Variants in CCSER1 observed in about 807,000 individuals in gnomAD.
The protein encoded by CCSER1 is serine-rich coiled-coil domain-containing protein 1.
A neutral mutation model predicts 82.0 loss-of-function variants in CCSER1; 41 were observed. The ratio of observed to expected loss-of-function variants is 0.50; its 90% CI spans 0.39 to 0.65. The LOEUF (loss-of-function observed/expected upper bound fraction) is 0.65, where lower values mean the gene tolerates loss of function less well. Ranked by LOEUF, CCSER1 falls within the 30% of genes least tolerant of loss-of-function variation. The probability of loss-of-function intolerance (pLI) is 0.00; values close to 1 mark genes in which losing one functional copy is unlikely to be tolerated. For synonymous variants in CCSER1, 414 were observed against 383.9 expected (o/e 1.08, Z -0.92); for missense variants, 1,119 against 1,064.2 (o/e 1.05, Z -0.72).
chr4:90,489,320 T>C (rs1295199710), intron 5 of CCSER1, among the ~76,000 whole-genome samples: 2 of 152,086 alleles, frequency 1.3e-5, no homozygotes, highest in African/African-American at 2.4e-5. Flanking sequence ...ATCTTATAAG[T>C]GAAAATCCTC....
chr4:91,244,875 G>A (rs1449418460), intron 10 of CCSER1, among the ~76,000 whole-genome samples: 1 of 151,994 alleles, frequency 6.6e-6, no homozygotes, highest in Non-Finnish European at 1.5e-5. Flanking sequence ...GGAAACTCAA[G>A]GAAATTCAAG....
chr4:91,588,270 AT>A (rs200994938), intron 10 of CCSER1, among the ~76,000 whole-genome samples: 2 of 150,682 alleles, frequency 1.3e-5, no homozygotes, highest in Non-Finnish European at 3.0e-5. Flanking sequence ...ATAGCCTTAG[AT>A]TTTTTTTTCA....
At chr4:90,850,591 T>C (rs1004281721) in intron 8 of CCSER1, among the ~76,000 whole-genome samples, 3 of 152,230 alleles carry the variant, frequency 2.0e-5, no homozygotes, top group Non-Finnish European at 4.4e-5. Flanking sequence ...CTATTAGATT[T>C]TGGACTTGCA....
At chr4:90,479,825 C>T (rs994210620) in intron 5 of CCSER1, among the ~76,000 whole-genome samples, 202 of 152,158 alleles carry the variant, frequency 1.3e-3, no homozygotes, top group African/African-American at 4.6e-3. Flanking sequence ...TGAATAGTGC[C>T]GCAATAAACA....
At chr4:90,887,063 G>A (rs934962755) in intron 8 of CCSER1, among the ~76,000 whole-genome samples, 1 of 152,110 alleles carries the variant, frequency 6.6e-6, no homozygotes, top group African/African-American at 2.4e-5. Flanking sequence ...TAATGATGAA[G>A]TATATAAAAC....
At chr4:91,594,684 G>A (rs890778440) in intron 10 of CCSER1, among the ~76,000 whole-genome samples, 2 of 151,880 alleles carry the variant, frequency 1.3e-5, no homozygotes, top group African/African-American at 4.8e-5. Context: ...GATTGTTAGA[G>A]TTTCTTCAAG....
intron 10 of CCSER1, among the ~76,000 whole-genome samples, chr4:91,542,984 C>G (rs1761686068): frequency 6.6e-6 from 1 of 152,090 alleles, no homozygotes; most frequent in South Asian, 2.1e-4. Context: ...TCTGGGTGCT[C>G]CTGTATTGGA....
chr4:91,546,518 T>G (rs771738470), intron 10 of CCSER1, among the ~76,000 whole-genome samples: 6 of 152,152 alleles, frequency 3.9e-5, no homozygotes, highest in Non-Finnish European at 8.8e-5. Flanking sequence ...TTATCAAATA[T>G]GTAGGCACAG....
chr4:90,888,809 G>A (rs1347485093), intron 8 of CCSER1, among the ~76,000 whole-genome samples: 3 of 152,126 alleles, frequency 2.0e-5, no homozygotes, highest in Non-Finnish European at 2.9e-5. Context: ...GTCACTTGAT[G>A]TTACTATAGC....
chr4:91,570,960 A>AGAT (rs1763146494), intron 10 of CCSER1, among the ~76,000 whole-genome samples: 1 of 152,136 alleles, frequency 6.6e-6, no homozygotes, highest in African/African-American at 2.4e-5. Flanking sequence ...TCCTTCCATC[A>AGAT]GATACTCTAA....
intron 8 of CCSER1, among the ~76,000 whole-genome samples, chr4:90,835,158 C>T (rs368860199): frequency 4.0e-5 from 6 of 151,828 alleles, no homozygotes; most frequent in South Asian, 4.2e-4. Flanking sequence ...GGTGAAACGC[C>T]GTCTCTACTA....
At chr4:90,202,467 T>C (rs181903613) in intron 1 of CCSER1, among the ~76,000 whole-genome samples, 10 of 152,142 alleles carry the variant, frequency 6.6e-5, no homozygotes, top group Admixed American at 2.0e-4. Context: ...CCTCCCAGAG[T>C]GCTGGAATTA....
chr4:91,353,340 G>T (rs1411236074), intron 10 of CCSER1, among the ~76,000 whole-genome samples: 1 of 152,158 alleles, frequency 6.6e-6, no homozygotes, highest in East Asian at 1.9e-4. Flanking sequence ...ATGCACCAGT[G>T]GTCAGAGAGA....
At chr4:90,902,642 GC>G (rs1489528658) in intron 8 of CCSER1, among the ~76,000 whole-genome samples, 1 of 152,114 alleles carries the variant, frequency 6.6e-6, no homozygotes, top group East Asian at 1.9e-4. Context: ...TTAGACATAT[GC>G]CTCCTGCAAG....
At chr4:90,271,926 C>T (rs1334672473) in intron 1 of CCSER1, among the ~76,000 whole-genome samples, 1 of 129,562 alleles carries the variant, frequency 7.7e-6, no homozygotes, top group East Asian at 2.4e-4. Flanking sequence ...TTCTAGATGA[C>T]TCCGGAGGCT....
chr4:90,400,706 G>T (rs1752726198), intron 4 of CCSER1, among the ~76,000 whole-genome samples: 1 of 152,014 alleles, frequency 6.6e-6, no homozygotes, highest in Non-Finnish European at 1.5e-5. Flanking sequence ...TATTTGTAAT[G>T]GCTTAAATTT....
intron 5 of CCSER1, among the ~76,000 whole-genome samples, chr4:90,523,072 G>A (rs1773334024): frequency 6.6e-6 from 1 of 151,976 alleles, no homozygotes; most frequent in East Asian, 1.9e-4. Flanking sequence ...GAATCTTCAG[G>A]TAGGAATATA....
chr4:91,151,682 C>G (rs934486477), intron 10 of CCSER1, among the ~76,000 whole-genome samples: 11 of 152,108 alleles, frequency 7.2e-5, no homozygotes, highest in Admixed American at 7.2e-4. Flanking sequence ...TGTCTTTGTT[C>G]TCATTGGTTT....
At position 90,276,041 on chromosome 4, in the gene CCSER1, A is replaced by T. The variant is rs545075340; in HGVS notation, c.-41-32203A>T. On this transcript the variant is annotated intron_variant, in intron 1 of 10. Coordinates refer to ENST00000509176, the MANE Select transcript of CCSER1 (RefSeq NM_001145065.2). ...GAGTGGTCTTTACAATGTCTTAAAC[A>T]TAAGGCTATATCTTTAATAATTCTG... Among the ~76,000 whole-genome samples the T allele has an allele frequency of 9.8e-5, 15 of 152,306 alleles. No homozygotes were observed. The South Asian group carries it at 3.1e-3, about 32-fold the overall frequency.
Sources: gnomAD v4.1 joint callset for allele counts (sites outside exome capture counted in the v4.1 genomes callset) on GRCh38, gnomAD v4.1.1 for gene constraint, MANE v1.5 for transcripts, NCBI Gene and HGNC (gene_info 2026-07-23, HGNC 2026-07-21) for gene names.